The following CACNA1B variants were observed in gnomAD, a reference collection of about 807,000 sequenced individuals.
CACNA1B encodes the protein voltage-dependent N-type calcium channel subunit alpha-1B.
CACNA1B carries 70 observed loss-of-function variants against 247.2 expected under a neutral mutation model. That is an observed-to-expected ratio of 0.28 (90% CI 0.23 to 0.35). CACNA1B has a LOEUF of 0.35. Ranked by LOEUF, CACNA1B falls within the 10% of genes least tolerant of loss-of-function variation. CACNA1B has a pLI of 1.00. For synonymous variants in CACNA1B, 1,231 were observed against 1,294.4 expected, an observed-to-expected ratio of 0.95 and a Z score of 1.05; for missense variants, 2,367 against 3,197.4, an observed-to-expected ratio of 0.74 and a Z score of 6.26.
intron 15 of CACNA1B, among the ~76,000 whole-genome samples, chr9:137,992,140 A>G (rs978349647): frequency 6.6e-6 from 1 of 152,226 alleles, no homozygotes; most frequent in African/African-American, 2.4e-5. Context: ...CTTAAAAGAT[A>G]GAGAATGGCA....
intron 23 of CACNA1B, among the ~76,000 whole-genome samples, chr9:138,048,934 T>C (rs1589094856): frequency 6.6e-6 from 1 of 152,344 alleles, no homozygotes; most frequent in Admixed American, 6.5e-5. Context: ...TCCAGGCTGG[T>C]CTTGAACTCC....
chr9:137,939,241 T>G (rs768336153), intron 6 of CACNA1B, among the ~76,000 whole-genome samples: 1 of 152,144 alleles, frequency 6.6e-6, no homozygotes, highest in Non-Finnish European at 1.5e-5. Flanking sequence ...TTACAGAACA[T>G]TCTAGCCAAC....
In CACNA1B at chr9:138,024,020, G is replaced by C. The variant is rs577773931; in HGVS notation, c.3068+209G>C. ...TGCAGGGTTGACCTGTAAAAGGCTTGGCAGGGCGTGTATGCTCCGTAAAAG... is the reference window on the plus strand; with the variant it reads ...TGCAGGGTTGACCTGTAAAAGGCTTCGCAGGGCGTGTATGCTCCGTAAAAG... On this transcript the variant is annotated intron_variant, in intron 19 of 46. Coordinates refer to ENST00000371372, the MANE Select transcript of CACNA1B (RefSeq NM_000718.4). Among the ~76,000 whole-genome samples the C allele has an allele frequency of 2.1e-4, 32 of 152,338 alleles. No homozygotes were observed. The South Asian group carries it at 3.9e-3, about 19-fold the overall frequency.
At chr9:138,117,390 CCCCGTCCCAG>C (rs1456513139) in intron 42 of CACNA1B, among the ~76,000 whole-genome samples, 4 of 152,148 alleles carry the variant, frequency 2.6e-5, no homozygotes, top group Non-Finnish European at 5.9e-5. Context: ...GCCCCCTACC[CCCCGTCCCAG>C]CCCGTCCCCT....
At position 138,054,970 on chromosome 9, in the gene CACNA1B, C is replaced by T. The variant is rs1959439846; in HGVS notation, c.3968+964C>T. 6.6e-6 allele frequency among the ~76,000 whole-genome samples: 1 copy of T among 152,196 alleles called. No individual in the cohort carries two copies. Among genetic ancestry groups the T allele is most frequent in the Non-Finnish European group, 1.5e-5 (1 of 68,036 alleles). The stretch of plus-strand genomic sequence containing the variant: ...GTGTCTGCCTGTGGTCCTGTGTCTG[C>T]TGTCTGCCTCTTTCCTGTCGGTTAC... On this transcript the variant is annotated intron_variant, in intron 26 of 46. Transcript: ENST00000371372. This position sits in a 1 kb window ranked among gnomAD's most constrained non-coding sequence, Gnocchi z 4.6.
intron 20 of CACNA1B, among the ~76,000 whole-genome samples, chr9:138,039,481 T>C (rs1021495201): frequency 2.6e-5 from 4 of 152,224 alleles, no homozygotes; most frequent in South Asian, 2.1e-4. Flanking sequence ...AAACAAACTC[T>C]CGTTACTCTA....
intron 39 of CACNA1B, among the ~76,000 whole-genome samples, chr9:138,110,380 G>T (rs1031719637): frequency 9.9e-5 from 15 of 152,052 alleles, no homozygotes; most frequent in African/African-American, 3.6e-4. Flanking sequence ...CTCCCATAGT[G>T]CTGGAATTAC....
intron 44 of CACNA1B, 76 bp from the exon 45 acceptor site, chr9:138,120,089 A>T (rs1326926204): frequency 7.8e-7 from 1 of 1,277,094 alleles, no homozygotes; most frequent in Non-Finnish European, 1.1e-6. Flanking sequence ...GGCCTGCTCC[A>T]CCACCCACTT....
intron 38 of CACNA1B, among the ~76,000 whole-genome samples, chr9:138,104,657 C>T (rs2131352543): frequency 6.6e-6 from 1 of 152,312 alleles, no homozygotes; most frequent in East Asian, 1.9e-4. Context: ...ATGCTAGGGG[C>T]AGGGCTGTAT....
At chr9:138,004,525 G>C (rs1045120218) in intron 15 of CACNA1B, among the ~76,000 whole-genome samples, 2 of 149,504 alleles carry the variant, frequency 1.3e-5, no homozygotes, top group African/African-American at 4.9e-5. Flanking sequence ...ACTCCGGCCT[G>C]GGAAACAGAA....
chr9:137,992,790 C>T (rs1958447316), intron 15 of CACNA1B, among the ~76,000 whole-genome samples: 1 of 136,656 alleles, frequency 7.3e-6, no homozygotes, highest in African/African-American at 3.1e-5. Flanking sequence ...GAGCGAGACT[C>T]CGTCTCAAAA....
intron 42 of CACNA1B, among the ~76,000 whole-genome samples, chr9:138,117,341 A>G (rs73577513): frequency 0.035 from 5,340 of 152,042 alleles, 317 homozygotes; most frequent in African/African-American, 0.12. Flanking sequence ...CTGAGGGAGG[A>G]AGCCCCTAGA....
chr9:138,109,734 A>G (rs1177449767), intron 39 of CACNA1B, among the ~76,000 whole-genome samples: 1 of 152,228 alleles, frequency 6.6e-6, no homozygotes. Flanking sequence ...CTTGAAATGG[A>G]TTGTAGACAG....
intron 21 of CACNA1B, among the ~76,000 whole-genome samples, chr9:138,044,196 A>G (rs569973470): frequency 8.5e-5 from 13 of 152,312 alleles, no homozygotes; most frequent in Non-Finnish European, 1.5e-4. Flanking sequence ...TGTGTCGCAA[A>G]CACACTTCCA....
chr9:137,893,447 G>A (rs1052931103), intron 3 of CACNA1B, among the ~76,000 whole-genome samples: 1 of 150,160 alleles, frequency 6.7e-6, no homozygotes, highest in African/African-American at 2.4e-5. Context: ...TCAGGAGTTC[G>A]AGACCAGCCT....
intron 32 of CACNA1B, among the ~76,000 whole-genome samples, chr9:138,071,105 G>A (rs1408929805): frequency 4.6e-5 from 7 of 152,224 alleles, no homozygotes; most frequent in Admixed American, 6.5e-5. Flanking sequence ...AGTGCTAAGA[G>A]CAATTTTAAA....
chr9:138,087,323 T>C (rs948180713), intron 36 of CACNA1B, among the ~76,000 whole-genome samples: 3 of 140,282 alleles, frequency 2.1e-5, no homozygotes, highest in Middle Eastern at 3.7e-3. Flanking sequence ...AGGCAGAGTT[T>C]GCAGTGAGCC....
At chr9:138,001,014 A>C (rs776614082) in intron 15 of CACNA1B, among the ~76,000 whole-genome samples, 13 of 151,772 alleles carry the variant, frequency 8.6e-5, no homozygotes, top group Non-Finnish European at 1.5e-4. Context: ...GTGTTTTTTT[A>C]TCTGCATCAC....
rs901250012 is a variant in CACNA1B at position 137,973,717 on chromosome 9, G to A, written c.1543+2125G>A. 8.5e-5 allele frequency among the ~76,000 whole-genome samples: 13 copies of A among 152,168 alleles called. No individual in the cohort carries two copies. ...GCTCAAAACAGCACCAGTGCCTGCT[G>A]GTAGGATGCATGATACAAGAGTGTA... is the stretch of plus-strand genomic sequence containing the variant. On this transcript the variant is annotated intron_variant, in intron 11 of 46. Transcript: ENST00000371372. This position sits in a 1 kb window ranked among gnomAD's most constrained non-coding sequence, Gnocchi z 4.1.
Sources: gnomAD v4.1 joint callset for allele counts (sites outside exome capture counted in the v4.1 genomes callset) on GRCh38, gnomAD v4.1.1 for gene constraint, Gnocchi (gnomAD v3.1) non-coding constraint, MANE v1.5 for transcripts, NCBI Gene and HGNC (gene_info 2026-07-23, HGNC 2026-07-21) for gene names.